The following STK11IP variants were observed in gnomAD, a reference collection of about 807,000 sequenced individuals.
The protein encoded by STK11IP is serine/threonine kinase 11 interacting protein.
STK11IP carries 103 observed loss-of-function variants against 131.7 expected under a neutral mutation model. The ratio of observed to expected loss-of-function variants is 0.78; its 90% CI spans 0.67 to 0.92. The LOEUF (loss-of-function observed/expected upper bound fraction) is 0.92. STK11IP is among the 40% of genes least tolerant of loss of function. STK11IP has a pLI of 0.00. For missense variants in STK11IP, 1,315 were observed against 1,385.7 expected (o/e 0.95, Z 0.81); for synonymous variants, 557 against 575.6 (o/e 0.97, Z 0.46).
chr2:219,606,476 T>C lies in STK11IP; in HGVS notation c.946T>C (p.Phe316Leu). The change falls in exon 11 of 25, where the codon TTC (phenylalanine) becomes CTC (leucine). Residue 316 changes from phenylalanine (F) to leucine (L), a missense_variant and splice_region_variant. Coordinates refer to ENST00000456909, the MANE Select transcript of STK11IP (RefSeq NM_052902.4). ...CCTCCCCCTTTTTGTCTTTGCTCAG[T>C]TCCTTCTCGATGGCAAGGTCTTGTC... ...SPRARDAATG[F>L]LLDGKVLSLT... The C allele has an allele frequency of 6.2e-7, 1 of 1,611,776 alleles. No homozygotes were observed. The highest frequency in any genetic ancestry group is 8.5e-7 in the Non-Finnish European group (1 of 1,178,816).
In STK11IP at chr2:219,608,110, G is replaced by T. The variant is rs368068218; in HGVS notation, c.1283G>T (p.Arg428Leu). ...AGCAGCTTCCGGGAACGGTTCGGCC[G>T]CAACTGGCTGCAGTACAGGAGTCAC... ...LMSSFRERFG[R>L]NWLQYRSHLE... The change falls in exon 14 of 25, where the codon CGC becomes CTC. Residue 428 changes from arginine (R) to leucine (L), a missense_variant. Physicochemically the swap from Arg to Leu is moderately radical, Grantham distance 102. Coordinates refer to ENST00000456909, the MANE Select transcript of STK11IP (RefSeq NM_052902.4). The T allele has an allele frequency of 1.9e-6, 3 of 1,613,212 alleles. No homozygotes were observed. The highest frequency in any genetic ancestry group is 4.5e-5 in the East Asian group (2 of 44,872).
At chr2:219,599,458 A>G (rs2106143008) in intron 2 of STK11IP, among the ~76,000 whole-genome samples, 1 of 152,320 alleles carries the variant, frequency 6.6e-6, no homozygotes, top group Non-Finnish European at 1.5e-5. Flanking sequence ...CTGGGAGGAG[A>G]CAACTAGGAG....
At chr2:219,612,084 G>A (rs771041070) in intron 19 of STK11IP, 26 bp downstream of exon 19, 3 of 1,570,390 alleles carry the variant, frequency 1.9e-6, no homozygotes, top group Admixed American at 3.7e-5. Context: ...CACTGCCCAT[G>A]CCCCCAGCTG....
intron 2 of STK11IP, among the ~76,000 whole-genome samples, chr2:219,598,977 T>C (rs964327263): frequency 1.3e-5 from 2 of 152,244 alleles, no homozygotes; most frequent in Non-Finnish European, 2.9e-5. Flanking sequence ...AAGGTTTGAA[T>C]GAGATACCAA....
chr2:219,614,792 A>G (rs1698520702), intron 23 of STK11IP: 1 of 673,716 alleles, frequency 1.5e-6, no homozygotes, highest in Non-Finnish European at 2.7e-6. Context: ...CAGGCTTTCT[A>G]TGAAGTGGAG....
Position 219,609,362 on chromosome 2 carries a change from G to T in STK11IP, c.1927-1G>T. On this transcript the variant is annotated splice_acceptor_variant, in intron 16 of 24. Coordinates refer to ENST00000456909, the MANE Select transcript of STK11IP (RefSeq NM_052902.4). LOFTEE classifies it high-confidence loss of function. Reference sequence around the variant, plus strand: ...GCTGCCTCTGATCCACCCTCTGTCAGGAGCTGCTTGCCGTGTTGACCCCAG... The same window carrying T: ...GCTGCCTCTGATCCACCCTCTGTCATGAGCTGCTTGCCGTGTTGACCCCAG... The T allele has an allele frequency of 6.2e-7, 1 of 1,613,588 alleles. No individual in the cohort carries two copies.
chr2:219,599,301 T>C (rs1697901166), intron 2 of STK11IP, among the ~76,000 whole-genome samples: 1 of 151,976 alleles, frequency 6.6e-6, no homozygotes, highest in Non-Finnish European at 1.5e-5. Context: ...GTTGGCCAGG[T>C]TGGTCTTGAA....
intron 19 of STK11IP, 72 bp from the exon 20 acceptor site, chr2:219,613,056 A>G: frequency 4.8e-6 from 6 of 1,258,310 alleles, no homozygotes; most frequent in Non-Finnish European, 5.7e-6. Flanking sequence ...GTCACCAGGA[A>G]CTCGGCTTTC....
At chr2:219,614,720 C>G (rs1463669055) in intron 23 of STK11IP, 174 bp downstream of exon 23, 2 of 790,004 alleles carry the variant, frequency 2.5e-6, no homozygotes, top group Admixed American at 4.0e-5. Flanking sequence ...TGCCCTGACC[C>G]TCTGGGTGGG....
chr2:219,605,808 A>G, intron 8 of STK11IP, 74 bp downstream of exon 8: 1 of 1,544,676 alleles, frequency 6.5e-7, no homozygotes. Flanking sequence ...CCTGGGGACC[A>G]TGTGCCTCTA....
intron 17 of STK11IP, 63 bp from the exon 18 acceptor site, chr2:219,611,541 G>A (rs1184537451): frequency 2.7e-5 from 36 of 1,355,486 alleles, no homozygotes; most frequent in African/African-American, 1.3e-4. Flanking sequence ...AGCATCGTGA[G>A]CATGGTGGGA....
rs1179196323 is a variant in STK11IP, at chr2:219,601,180, AAAGAG to A, written c.62-52_62-48del. ...TTTTGGCATCATAGAGCCTTAGAAT[AAAGAG>A]AAAAATCTTTTCACTGTGTCTTCCC... On this transcript the variant is annotated intron_variant, in intron 2 of 24. Transcript: ENST00000456909. 1,332 of 1,480,422 alleles carry A rather than the reference AAAGAG, an allele frequency of 9.0e-4. 2 individuals are homozygous for A. The highest frequency in any genetic ancestry group is 1.1e-3 in the Non-Finnish European group (1,191 of 1,080,498). The allele number at this position is 1,480,422 out of a possible 1,614,324, so 91.7% of individuals were successfully genotyped here. A position where few individuals can be genotyped will look rare whatever the true frequency, so the allele number is the denominator to read the frequency against.
chr2:219,615,068 C>G (rs1224138095), intron 23 of STK11IP, 26 bp from the exon 24 acceptor site: 2 of 1,599,498 alleles, frequency 1.3e-6, no homozygotes, highest in Non-Finnish European at 1.7e-6. Context: ...CATGACCTTC[C>G]ACACTGGATG....
chr2:219,598,565 G>C lies in STK11IP; in HGVS notation c.61+385G>C, dbSNP rs114970187. The C allele has an allele frequency of 7.1e-3, 1,265 of 178,426 alleles. 15 individuals are homozygous for C. The highest frequency in any genetic ancestry group is 0.026 in the African/African-American group (1,117 of 42,660). 11.1% of individuals were successfully genotyped at this position (178,426 alleles called of 1,614,324 possible). On this transcript the variant is annotated intron_variant, in intron 2 of 24. Coordinates refer to ENST00000456909, the MANE Select transcript of STK11IP (RefSeq NM_052902.4). ...TTTGGAGTCGGACCCACTTGGGTTG[G>C]AATATCAACCCTCTTTCAAACTTGC...
intron 7 of STK11IP, 59 bp from the exon 8 acceptor site, chr2:219,605,549 G>A: frequency 6.5e-7 from 1 of 1,538,930 alleles, no homozygotes; most frequent in South Asian, 1.2e-5. Context: ...AGGTCTCAGA[G>A]GACCCTGGCT....
chr2:219,605,419 C>T (rs1171409138), intron 7 of STK11IP, 189 bp from the exon 8 acceptor site: 1 of 568,286 alleles, frequency 1.8e-6, no homozygotes, highest in Non-Finnish European at 3.1e-6. Flanking sequence ...TGGCCTTGAA[C>T]TGTTAGGAAC....
At chr2:219,598,606 G>A (rs1232905325) in intron 2 of STK11IP, 1 of 161,198 alleles carries the variant, frequency 6.2e-6, no homozygotes, top group South Asian at 1.9e-4. Context: ...TGTTTCCTGA[G>A]GCTCAGTTTT....
chr2:219,614,965 G>A, intron 23 of STK11IP, 129 bp from the exon 24 acceptor site: 1 of 1,149,668 alleles, frequency 8.7e-7, no homozygotes, highest in Non-Finnish European at 1.2e-6. Flanking sequence ...GGCCCCAGGG[G>A]CACAGGCTGC....
In STK11IP at chr2:219,601,323, G is replaced by A. The variant is rs752804467; in HGVS notation, c.150G>A (p.Gly50=). The A allele has an allele frequency of 3.1e-6, 5 of 1,614,066 alleles. No individual in the cohort carries two copies. Among genetic ancestry groups the A allele is most frequent in the Admixed American group, 3.3e-5 (2 of 60,022 alleles). The change falls in exon 3 of 25, where the codon GGG becomes GGA. Residue 50 remains glycine, a synonymous_variant. Transcript: ENST00000456909. ...QLNHVFELHL[G]PWGPGQTGFV... is the part of the protein sequence containing the mutation. ...ACCACGTATTTGAGCTGCACCTGGG[G>A]CCATGGGGCCCTGGCCAGACAGGCT... is the stretch of plus-strand genomic sequence containing the variant.
Sources: allele counts gnomAD v4.1 joint callset (sites outside exome capture counted in the v4.1 genomes callset), GRCh38; gene constraint gnomAD v4.1.1; transcripts MANE v1.5; gene names NCBI Gene and HGNC (gene_info 2026-07-23, HGNC 2026-07-21).